TTC6: variants seen among roughly 807,000 people sequenced by gnomAD.
TTC6 encodes the protein tetratricopeptide repeat protein 6.
A neutral mutation model predicts 210.4 loss-of-function variants in TTC6; 172 were observed. That is an observed-to-expected ratio of 0.82 (90% confidence interval 0.72 to 0.93). The LOEUF is 0.93. Ranked by LOEUF, TTC6 falls within the 40% of genes least tolerant of loss-of-function variation. The probability of loss-of-function intolerance (pLI) is 0.00; values close to 1 mark genes in which losing one functional copy is unlikely to be tolerated. For synonymous variants in TTC6, 804 were observed against 819.6 expected (o/e 0.98, Z 0.32); for missense variants, 2,414 against 2,318.1 (o/e 1.04, Z -0.85).
chr14:37,736,750 G>A (rs2095902783), intron 8 of TTC6, among the ~76,000 whole-genome samples: 1 of 151,970 alleles, frequency 6.6e-6, no homozygotes, highest in Non-Finnish European at 1.5e-5. Context: ...TCTCACTAGT[G>A]CCTAATATAG....
chr14:37,625,592 T>G, intron 1 of TTC6, among the ~76,000 whole-genome samples: 1 of 151,958 alleles, frequency 6.6e-6, no homozygotes. Context: ...ATAAAAGTCG[T>G]GTCCAAATTA....
At chr14:37,748,008 C>A (rs532426084) in intron 10 of TTC6, among the ~76,000 whole-genome samples, 8 of 152,064 alleles carry the variant, frequency 5.3e-5, no homozygotes, top group African/African-American at 1.9e-4. Context: ...AGGGGAAGCT[C>A]CTGGAGGAGT....
In TTC6 at chr14:37,808,725, CT is replaced by C; in HGVS notation, c.4456-3del. ...TCCTTTCTCACATAATTACTTTTTT[CT>C]TTTTAGACTTATAAGCTAGCAATTA... On this transcript the variant is annotated splice_polypyrimidine_tract_variant and splice_region_variant and intron_variant, in intron 23 of 30. Coordinates refer to ENST00000553443, the Ensembl canonical transcript of TTC6. 7.3e-7 allele frequency: 1 copy of C among 1,368,080 alleles called. No individual in the cohort carries two copies. Among genetic ancestry groups the C allele is most frequent in the Non-Finnish European group, 9.9e-7 (1 of 1,011,024 alleles). The allele number at this position is 1,368,080 out of a possible 1,614,324, so 84.7% of individuals were successfully genotyped here. A position where few individuals can be genotyped will look rare whatever the true frequency, so the allele number is the denominator to read the frequency against.
At chr14:37,797,680 A>C (rs1264691347) in intron 20 of TTC6, among the ~76,000 whole-genome samples, 1 of 151,878 alleles carries the variant, frequency 6.6e-6, no homozygotes, top group Non-Finnish European at 1.5e-5. Flanking sequence ...CTATTTTAAA[A>C]TTTGTCATCA....
At chr14:37,605,999 A>C (rs1298656387) in intron 1 of TTC6, among the ~76,000 whole-genome samples, 1 of 151,656 alleles carries the variant, frequency 6.6e-6, no homozygotes, top group Non-Finnish European at 1.5e-5. Context: ...TCCAAAGAAG[A>C]GTGGTAGCTG....
intron 7 of TTC6, among the ~76,000 whole-genome samples, chr14:37,734,814 C>CT (rs1175322579): frequency 6.6e-6 from 1 of 151,982 alleles, no homozygotes; most frequent in Admixed American, 6.6e-5. Flanking sequence ...CATATATGTT[C>CT]TTTTTTTAAA....
intron 29 of TTC6, among the ~76,000 whole-genome samples, chr14:37,832,409 A>G (rs2139023447): frequency 9.9e-6 from 1 of 101,092 alleles, no homozygotes; most frequent in African/African-American, 3.7e-5. Context: ...GTGCATTATT[A>G]CATTGTTTAT....
chr14:37,690,102 C>A (rs976627133), intron 3 of TTC6, among the ~76,000 whole-genome samples: 1 of 151,706 alleles, frequency 6.6e-6, no homozygotes, highest in African/African-American at 2.4e-5. Context: ...AGTTTTTTTT[C>A]TTTTCTGCTT....
At chr14:37,706,552 G>C (rs867240349) in intron 5 of TTC6, among the ~76,000 whole-genome samples, 1 of 152,110 alleles carries the variant, frequency 6.6e-6, no homozygotes, top group Non-Finnish European at 1.5e-5. Flanking sequence ...AACAACCTAA[G>C]TGTCTATCAT....
upstream of TTC6, among the ~76,000 whole-genome samples, chr14:37,619,985 C>T (rs1005607290): frequency 3.9e-5 from 6 of 152,186 alleles, no homozygotes; most frequent in Non-Finnish European, 7.4e-5. Flanking sequence ...TTGAATCTTT[C>T]TTCAATGTCC....
chr14:37,817,699 ACTT>A, intron 26 of TTC6, 48 bp downstream of exon 28: 1 of 1,557,986 alleles, frequency 6.4e-7, no homozygotes, highest in Non-Finnish European at 8.8e-7. Flanking sequence ...GGACCATCAG[ACTT>A]ATCTAATTAT....
chr14:37,680,243 T>A (rs1385429786), exon 2 of TTC6: 3 of 1,528,950 alleles, frequency 2.0e-6, no homozygotes, highest in East Asian at 4.9e-5. Context: ...TCCAGATGGG[T>A]GCTGAGGAAT....
At chr14:37,690,767 C>A (rs533866049) in intron 3 of TTC6, among the ~76,000 whole-genome samples, 1 of 151,864 alleles carries the variant, frequency 6.6e-6, no homozygotes, top group South Asian at 2.1e-4. Flanking sequence ...GACTCCAATA[C>A]AATAGCTGAA....
chr14:37,606,000 G>A (rs2095624513), intron 1 of TTC6, among the ~76,000 whole-genome samples: 2 of 151,998 alleles, frequency 1.3e-5, no homozygotes, highest in African/African-American at 4.8e-5. Flanking sequence ...CCAAAGAAGA[G>A]TGGTAGCTGA....
chr14:37,714,944 A>G (rs2095850138), intron 6 of TTC6, 148 bp downstream of exon 8: 4 of 709,152 alleles, frequency 5.6e-6, no homozygotes, highest in East Asian at 5.5e-5. Context: ...TTGGGAGGAC[A>G]TGGCGAGAGG....
chr14:37,821,770 G>GTTTTTTTT (rs2096157771), intron 26 of TTC6, among the ~76,000 whole-genome samples: 3 of 127,346 alleles, frequency 2.4e-5, no homozygotes, highest in African/African-American at 1.0e-4. Flanking sequence ...CTAAGAGCTA[G>GTTTTTTTT]TCTTTTTTTT....
intron 7 of TTC6, among the ~76,000 whole-genome samples, chr14:37,725,348 A>ATATG (rs754853973): frequency 0.037 from 4,137 of 112,908 alleles, 210 homozygotes; most frequent in Non-Finnish European, 0.053. Context: ...ATATATATAT[A>ATATG]TATATATATA....
intron 12 of TTC6, among the ~76,000 whole-genome samples, chr14:37,750,052 C>T (rs547155626): frequency 6.6e-6 from 1 of 152,144 alleles, no homozygotes; most frequent in South Asian, 2.1e-4. Flanking sequence ...GGTTATTGTC[C>T]TTGATATATA....
intron 8 of TTC6, 31 bp downstream of exon 10, chr14:37,736,041 T>C (rs1417739073): frequency 1.7e-6 from 2 of 1,150,814 alleles, no homozygotes; most frequent in Non-Finnish European, 2.5e-6. Context: ...TAATTAGGAT[T>C]GTTTACTCTA....
Sources: allele counts gnomAD v4.1 joint callset (sites outside exome capture counted in the v4.1 genomes callset), GRCh38; gene constraint gnomAD v4.1.1; transcripts MANE v1.5; gene names NCBI Gene and HGNC (gene_info 2026-07-23, HGNC 2026-07-21).